Variants in TSHZ2 observed in about 807,000 individuals in gnomAD.
The protein encoded by TSHZ2 is teashirt zinc finger homeobox 2, also known as teashirt homolog 2.
TSHZ2 carries 21 observed loss-of-function variants against 74.4 expected under a neutral mutation model. That is an observed-to-expected ratio of 0.28 (90% CI 0.20 to 0.41). The LOEUF is 0.41. Ranked by LOEUF, TSHZ2 falls within the 10% of genes least tolerant of loss-of-function variation. The pLI is 1.00. For synonymous variants in TSHZ2, 540 were observed against 515.3 expected, an observed-to-expected ratio of 1.05 and a Z score of -0.65; for missense variants, 1,244 against 1,293.5, an observed-to-expected ratio of 0.96 and a Z score of 0.59.
At chr20:53,179,322 C>T (rs1316042640) in intron 1 of TSHZ2, 1 of 152,198 alleles carries the variant, frequency 6.6e-6, no homozygotes, top group African/African-American at 2.4e-5. Context: ...TATCAAACCT[C>T]TGTATGGGAA....
chr20:53,056,058 CTTGT>C (rs796080601), intron 1 of TSHZ2, among the ~76,000 whole-genome samples: 54 of 152,304 alleles, frequency 3.5e-4, no homozygotes, highest in East Asian at 1.7e-3. Flanking sequence ...TACTTGTTTG[CTTGT>C]TTGTTTCTGA....
intron 2 of TSHZ2, among the ~76,000 whole-genome samples, chr20:53,280,517 G>A (rs566178089): frequency 4.1e-4 from 62 of 152,300 alleles, no homozygotes; most frequent in African/African-American, 1.0e-3. Context: ...GAGGGGGATC[G>A]GTGACCTGGC....
chr20:53,450,990 T>C (rs1047742040), intron 2 of TSHZ2, among the ~76,000 whole-genome samples: 6 of 152,038 alleles, frequency 3.9e-5, no homozygotes, highest in Admixed American at 2.6e-4. Context: ...AAAAAGACCA[T>C]GAATCTTCCT....
intron 1 of TSHZ2, among the ~76,000 whole-genome samples, chr20:53,180,114 T>C (rs1457625177): frequency 5.3e-5 from 8 of 152,216 alleles, no homozygotes; most frequent in Admixed American, 1.3e-4. Flanking sequence ...TCCCCATTAA[T>C]TACTTCAGTA....
chr20:53,230,004 A>G (rs1989784548), intron 1 of TSHZ2, among the ~76,000 whole-genome samples: 1 of 138,524 alleles, frequency 7.2e-6, no homozygotes, highest in Non-Finnish European at 1.6e-5. Context: ...GAAGACAGAA[A>G]GAGAGGAAGG....
chr20:53,257,600 A>G (rs111732675), intron 2 of TSHZ2, among the ~76,000 whole-genome samples: 322 of 152,194 alleles, frequency 2.1e-3, no homozygotes, highest in African/African-American at 6.7e-3. Flanking sequence ...AATCTCTTTC[A>G]TTTGCCCATT....
chr20:53,050,137 ATGTG>A (rs1244702184), intron 1 of TSHZ2, among the ~76,000 whole-genome samples: 8 of 96,874 alleles, frequency 8.3e-5, no homozygotes, highest in East Asian at 4.5e-4. Context: ...ACATATATAT[ATGTG>A]TATATATATA....
chr20:53,317,945 G>A (rs180734641), intron 2 of TSHZ2, among the ~76,000 whole-genome samples: 161 of 152,318 alleles, frequency 1.1e-3, no homozygotes, highest in Non-Finnish European at 1.8e-3. Flanking sequence ...AGTCTGTGAG[G>A]AAAGATGGAC....
At chr20:53,354,154 G>C (rs895774477) in intron 2 of TSHZ2, among the ~76,000 whole-genome samples, 4 of 152,248 alleles carry the variant, frequency 2.6e-5, no homozygotes, top group Non-Finnish European at 5.9e-5. Context: ...CAGAAGCCAT[G>C]TTCAAGAACT....
At chr20:53,413,298 T>G (rs1983118966) in intron 2 of TSHZ2, among the ~76,000 whole-genome samples, 1 of 152,208 alleles carries the variant, frequency 6.6e-6, no homozygotes, top group Non-Finnish European at 1.5e-5. Context: ...GTCACTTTGC[T>G]GCAGATGTCT....
At chr20:53,075,290 G>C (rs1985332895) in intron 1 of TSHZ2, among the ~76,000 whole-genome samples, 2 of 152,218 alleles carry the variant, frequency 1.3e-5, no homozygotes, top group African/African-American at 2.4e-5. Context: ...GGACTGCTCT[G>C]TGCAAAGGAT....
At position 53,469,045 on chromosome 20, in the gene TSHZ2, T is replaced by TTATATATATATATATATATATATA. The variant is rs143724013; in HGVS notation, c.*9-18083_*9-18060dup. Among the ~76,000 whole-genome samples the TTATATATATATATATATATATATA allele has an allele frequency of 3.1e-4, 15 of 49,116 alleles. 1 individual carries two copies. Among genetic ancestry groups the TTATATATATATATATATATATATA allele is most frequent in the South Asian group, 9.7e-4 (1 of 1,030 alleles). 32.2% of individuals were successfully genotyped at this position (49,116 alleles called of 152,430 possible). ...ACCTAAAGGCTCTGAAATCGATATT[T>TTATATATATATATATATATATATA]TATATATATATATATATATATATAT... On this transcript the variant is annotated intron_variant, in intron 2 of 2. Coordinates refer to ENST00000371497, the MANE Select transcript of TSHZ2 (RefSeq NM_173485.6).
intron 1 of TSHZ2, among the ~76,000 whole-genome samples, chr20:53,104,565 A>G (rs965004002): frequency 6.6e-6 from 1 of 152,166 alleles, no homozygotes; most frequent in African/African-American, 2.4e-5. Flanking sequence ...TAATGATGTG[A>G]CAGATCCGAC....
rs34385917 is a variant in TSHZ2 at position 53,196,366 on chromosome 20, T to TAAAAAAAAAA, written c.41-57116_41-57107dup. 7.7e-4 allele frequency: 84 copies of TAAAAAAAAAA among 109,664 alleles called. 2 individuals carry two copies. The highest frequency in any genetic ancestry group is 1.5e-3 in the African/African-American group (47 of 32,202). 6.8% of individuals were successfully genotyped at this position (109,664 alleles called of 1,614,324 possible). A position where few individuals can be genotyped will look rare whatever the true frequency, so the allele number is the denominator to read the frequency against. ...CCCGGAGGCATCAAGAATCTGCTGCTAAAAAAAAAAAAAAAAAAAAAAAAA... is the reference window on the plus strand; with the variant it reads ...CCCGGAGGCATCAAGAATCTGCTGCTAAAAAAAAAAAAAAAAAAAAAAAAAAAAAAAAAAA... On this transcript the variant is annotated intron_variant, in intron 1 of 2. Coordinates refer to ENST00000371497, the MANE Select transcript of TSHZ2 (RefSeq NM_173485.6).
At chr20:53,193,190 A>G in intron 1 of TSHZ2, among the ~76,000 whole-genome samples, 2 of 8,232 alleles carry the variant, frequency 2.4e-4, no homozygotes, top group Admixed American at 1.3e-3. Flanking sequence ...AGAAAAAAGA[A>G]AAAAAAAACA....
chr20:53,280,807 C>T (rs1833106918), intron 2 of TSHZ2, among the ~76,000 whole-genome samples: 1 of 152,098 alleles, frequency 6.6e-6, no homozygotes, highest in South Asian at 2.1e-4. Flanking sequence ...ATTCTCCTGT[C>T]TCAACCTCCC....
intron 2 of TSHZ2, among the ~76,000 whole-genome samples, chr20:53,260,568 G>A (rs910916239): frequency 3.9e-5 from 6 of 152,150 alleles, no homozygotes; most frequent in African/African-American, 1.4e-4. Context: ...GGGGAAGCCG[G>A]GATGGGGAAC....
chr20:52,987,992 A>G (rs548143204), intron 1 of TSHZ2, among the ~76,000 whole-genome samples: 3 of 152,242 alleles, frequency 2.0e-5, no homozygotes, highest in South Asian at 2.1e-4. Context: ...ATATTTTTTC[A>G]TACTTTTTCA....
At chr20:53,381,789 G>A (rs577952909) in intron 2 of TSHZ2, among the ~76,000 whole-genome samples, 1 of 152,214 alleles carries the variant, frequency 6.6e-6, no homozygotes, top group East Asian at 1.9e-4. Context: ...TGGTGTCTGT[G>A]TATGGTCCCT....
Sources: gnomAD v4.1 joint callset for allele counts (sites outside exome capture counted in the v4.1 genomes callset) on GRCh38, gnomAD v4.1.1 for gene constraint, MANE v1.5 for transcripts, NCBI Gene and HGNC (gene_info 2026-07-23, HGNC 2026-07-21) for gene names.